F2R: variants seen among roughly 807,000 people sequenced by gnomAD.
F2R encodes the protein coagulation factor II thrombin receptor, also known as proteinase-activated receptor 1.
F2R carries 12 observed loss-of-function variants against 18.3 expected under a neutral mutation model. The observed-to-expected ratio is 0.66, with a 90% CI of 0.42 to 1.06. F2R has a LOEUF of 1.06. Among genes scored for constraint, F2R ranks in the 50% least tolerant of loss-of-function variants. The probability of loss-of-function intolerance (pLI) is 0.00; values close to 1 mark genes in which losing one functional copy is unlikely to be tolerated. For synonymous variants in F2R, 210 were observed against 219.9 expected (o/e 0.95, Z 0.40); for missense variants, 438 against 530.8 (o/e 0.83, Z 1.72).
chr5:76,720,574 C>T (rs1203822786), intron 1 of F2R, among the ~76,000 whole-genome samples: 5 of 151,858 alleles, frequency 3.3e-5, no homozygotes, highest in Admixed American at 6.6e-5. Context: ...GTATTTAGTA[C>T]ATTTACAGTG....
chr5:76,716,427 C>A (rs1748344308), intron 1 of F2R, 32 bp downstream of exon 1: 2 of 1,399,628 alleles, frequency 1.4e-6, no homozygotes, highest in Non-Finnish European at 1.9e-6. Flanking sequence ...GGTGCGCGGG[C>A]GGAGGGACGC....
At chr5:76,720,989 T>G (rs1748441936) in intron 1 of F2R, among the ~76,000 whole-genome samples, 1 of 152,134 alleles carries the variant, frequency 6.6e-6, no homozygotes, top group Non-Finnish European at 1.5e-5. Flanking sequence ...GTATTTTTAG[T>G]AGAGACGAGA....
At position 76,734,234 on chromosome 5, in the gene F2R, G is replaced by A. The variant is rs1748740788; in HGVS notation, c.*731G>A. 6.6e-6 allele frequency: 1 copy of A among 152,332 alleles called. No homozygotes were observed. The highest frequency in any genetic ancestry group is 1.5e-5 in the Non-Finnish European group (1 of 68,044). 9.4% of individuals were successfully genotyped at this position (152,332 alleles called of 1,614,324 possible). A position where few individuals can be genotyped will look rare whatever the true frequency, so the allele number is the denominator to read the frequency against. On this transcript the variant is annotated 3_prime_UTR_variant, in exon 2 of 2. Transcript: ENST00000319211. ...GCCAAAACTGAGCATAAGTCCTCTA[G>A]TGAATGTAGGCTGGCTTTCAGAGTA...
At chr5:76,719,697 C>T (rs1748411583) in intron 1 of F2R, among the ~76,000 whole-genome samples, 1 of 152,196 alleles carries the variant, frequency 6.6e-6, no homozygotes, top group African/African-American at 2.4e-5. Context: ...CTCCCAGCAC[C>T]TCTTACAGTA....
chr5:76,716,277 C>T lies in F2R; in HGVS notation c.-31C>T, dbSNP rs1748339460. The T allele has an allele frequency of 6.7e-6, 9 of 1,345,204 alleles. No individual in the cohort carries two copies. The highest frequency in any genetic ancestry group is 3.1e-5 in the East Asian group (1 of 32,144). The allele number at this position is 1,345,204 out of a possible 1,614,324, so 83.3% of individuals were successfully genotyped here. A position where few individuals can be genotyped will look rare whatever the true frequency, so the allele number is the denominator to read the frequency against. On this transcript the variant is annotated 5_prime_UTR_variant, in exon 1 of 2. Transcript: ENST00000319211. ...GGAGCAGCCCGAGGCGGGGCAGCCT[C>T]CCGGAGCAGCGCCGCGCAGAGCCCG...
intron 1 of F2R, among the ~76,000 whole-genome samples, chr5:76,726,654 T>C (rs894915479): frequency 2.6e-5 from 4 of 151,962 alleles, no homozygotes; most frequent in African/African-American, 9.7e-5. Context: ...TGAGCCAAAA[T>C]CGCACCACTG....
rs1748720997 is a variant in F2R, at chr5:76,733,443, T to C, written c.1218T>C (p.Ser406=). The C allele has an allele frequency of 6.2e-7, 1 of 1,614,020 alleles. No homozygotes were observed. The highest frequency in any genetic ancestry group is 8.5e-7 in the Non-Finnish European group (1 of 1,180,042). The change falls in exon 2 of 2, where the codon AGT becomes AGC. Residue 406 remains serine, a synonymous_variant. Transcript: ENST00000319211. ...ACAGCAGTGGGCAGTTGATGGCAAG[T>C]AAAATGGATACCTGCTCTAGTAACC... ...SYNSSGQLMA[S]KMDTCSSNLN... is the part of the protein sequence containing the mutation.
rs560508383 is a variant in F2R, at chr5:76,732,564, T to A, written c.339T>A (p.Phe113Leu). The stretch of plus-strand genomic sequence containing the variant: ...TCCCATCTGTGTACACCGGAGTGTT[T>A]GTAGTCAGCCTCCCACTAAACATCA... ...LFVPSVYTGV[F>L]VVSLPLNIMA... is the part of the protein sequence containing the mutation. The change falls in exon 2 of 2, where the codon TTT (phenylalanine) becomes TTA (leucine). Residue 113 changes from phenylalanine (F) to leucine (L), a missense_variant. Phe to Leu is a conservative substitution (Grantham distance 22, BLOSUM62 0). Transcript: ENST00000319211. 2.4e-4 allele frequency: 395 copies of A among 1,614,242 alleles called. 7 individuals carry two copies. In the South Asian group the frequency reaches 4.0e-3, roughly 16 times the overall value.
chr5:76,732,344 C>G lies in F2R; in HGVS notation c.119C>G (p.Pro40Arg). 6.2e-7 allele frequency: 1 copy of G among 1,607,790 alleles called. No homozygotes were observed. The highest frequency in any genetic ancestry group is 8.5e-7 in the Non-Finnish European group (1 of 1,177,934). Residue 40 changes from proline to arginine, a missense_variant, in exon 2 of 2, where the codon CCC becomes CGC. Coordinates refer to ENST00000319211, the MANE Select transcript of F2R (RefSeq NM_001992.5). ...AAAGCAACAAATGCCACCTTAGATC[C>G]CCGGTCATTTCTTCTCAGGAACCCC... ...ESKATNATLD[P>R]RSFLLRNPND... is the part of the protein sequence containing the mutation.
chr5:76,716,479 C>T (rs1215098661), intron 1 of F2R, 84 bp downstream of exon 1: 3 of 1,173,974 alleles, frequency 2.6e-6, no homozygotes, highest in Non-Finnish European at 3.4e-6. Flanking sequence ...CTTCTCCTCA[C>T]CCCTGCCTCA....
intron 1 of F2R, among the ~76,000 whole-genome samples, chr5:76,717,238 T>G (rs1355080192): frequency 1.7e-4 from 26 of 152,260 alleles, no homozygotes. Context: ...TTTGATTAAT[T>G]TATTTGGTCA....
At chr5:76,726,596 G>T (rs1748562193) in intron 1 of F2R, among the ~76,000 whole-genome samples, 1 of 152,084 alleles carries the variant, frequency 6.6e-6, no homozygotes, top group Non-Finnish European at 1.5e-5. Context: ...AGCTACTTGG[G>T]AGGCTGAGGC....
chr5:76,716,703 T>G (rs377302404), intron 1 of F2R: 3 of 721,538 alleles, frequency 4.2e-6, no homozygotes, highest in African/African-American at 1.8e-5. Flanking sequence ...GTTGCACTTG[T>G]CATTGTGTTT....
intron 1 of F2R, among the ~76,000 whole-genome samples, chr5:76,727,760 T>A (rs189001865): frequency 1.5e-3 from 223 of 151,882 alleles, no homozygotes; most frequent in African/African-American, 5.2e-3. Flanking sequence ...ATAAAATATT[T>A]TTCTTTTTTT....
chr5:76,730,963 A>T (rs1748656838), intron 1 of F2R, among the ~76,000 whole-genome samples: 1 of 152,192 alleles, frequency 6.6e-6, no homozygotes, highest in Non-Finnish European at 1.5e-5. Flanking sequence ...GGGAAGGAGC[A>T]CAGAGTTTCC....
In F2R at chr5:76,733,476, C is replaced by T. The variant is rs1748722734; in HGVS notation, c.1251C>T (p.Asn417=). ...ATACCTGCTCTAGTAACCTGAATAA[C>T]AGCATATACAAAAAGCTGTTAACTT... ...KMDTCSSNLN[N]SIYKKLLT The change falls in exon 2 of 2, where the codon AAC becomes AAT. Residue 417 remains asparagine, a synonymous_variant. Transcript: ENST00000319211. The T allele has an allele frequency of 1.2e-6, 2 of 1,611,584 alleles. No individual in the cohort carries two copies. Among genetic ancestry groups the T allele is most frequent in the East Asian group, 2.2e-5 (1 of 44,874 alleles).
In F2R at chr5:76,724,983, T is replaced by C. The variant is rs75252239; in HGVS notation, c.89-7331T>C. 9.1e-3 allele frequency among the ~76,000 whole-genome samples: 1,388 copies of C among 152,356 alleles called. 20 individuals are homozygous for C. Among genetic ancestry groups the C allele is most frequent in the African/African-American group, 0.032 (1,343 of 41,578 alleles). ...TGTTATTTTCCTGTCCTCCTCTTCATTTCTCTTTAGCCTGTAGTGTTGTTT... is the reference window on the plus strand; with the variant it reads ...TGTTATTTTCCTGTCCTCCTCTTCACTTCTCTTTAGCCTGTAGTGTTGTTT... On this transcript the variant is annotated intron_variant, in intron 1 of 1. Coordinates refer to ENST00000319211, the MANE Select transcript of F2R (RefSeq NM_001992.5).
Position 76,733,450 on chromosome 5 carries a change from G to C in F2R, c.1225G>C (p.Asp409His). ...SSGQLMASKM[D>H]TCSSNLNNSI... is the part of the protein sequence containing the mutation. ...TGGGCAGTTGATGGCAAGTAAAATG[G>C]ATACCTGCTCTAGTAACCTGAATAA... The change falls in exon 2 of 2, where the codon GAT (aspartate) becomes CAT (histidine). Residue 409 changes from aspartate to histidine, a missense_variant. Coordinates refer to ENST00000319211, the MANE Select transcript of F2R (RefSeq NM_001992.5). 1.2e-6 allele frequency: 2 copies of C among 1,614,116 alleles called. No individual in the cohort carries two copies. Among genetic ancestry groups the C allele is most frequent in the Non-Finnish European group, 1.7e-6 (2 of 1,180,034 alleles).
At chr5:76,731,264 G>C (rs1416122385) in intron 1 of F2R, among the ~76,000 whole-genome samples, 1 of 152,160 alleles carries the variant, frequency 6.6e-6, no homozygotes, top group African/African-American at 2.4e-5. Flanking sequence ...ATGGACATTG[G>C]CCGTAGAATT....
Sources: allele counts gnomAD v4.1 joint callset (sites outside exome capture counted in the v4.1 genomes callset), GRCh38; gene constraint gnomAD v4.1.1; transcripts MANE v1.5; gene names NCBI Gene and HGNC (gene_info 2026-07-23, HGNC 2026-07-21).